Variants in RFX8 observed in about 807,000 individuals in gnomAD.
RFX8 encodes the protein DNA-binding protein RFX8.
In RFX8, 46 loss-of-function variants were observed where a neutral mutation model predicts 54.6. The ratio of observed to expected loss-of-function variants is 0.84; its 90% CI spans 0.67 to 1.08. RFX8 has a LOEUF of 1.08. RFX8 is among the 50% of genes least tolerant of loss of function. The probability of loss-of-function intolerance (pLI) is 0.00; values close to 1 mark genes in which losing one functional copy is unlikely to be tolerated. For synonymous variants in RFX8, 192 were observed against 209.5 expected, an observed-to-expected ratio of 0.92 and a Z score of 0.72; for missense variants, 536 against 562.3, an observed-to-expected ratio of 0.95 and a Z score of 0.47.
At chr2:101,398,152 C>T (rs1685228000) in intron 11 of RFX8, among the ~76,000 whole-genome samples, 1 of 152,204 alleles carries the variant, frequency 6.6e-6, no homozygotes, top group African/African-American at 2.4e-5. Context: ...GCCACAGCAC[C>T]CAGCCCATGC....
chr2:101,430,246 C>A (rs1400680509), intron 2 of RFX8, among the ~76,000 whole-genome samples: 1 of 152,144 alleles, frequency 6.6e-6, no homozygotes, highest in Non-Finnish European at 1.5e-5. Context: ...GGGTGATGGG[C>A]AATGCTAGAG....
intron 9 of RFX8, among the ~76,000 whole-genome samples, chr2:101,407,654 T>C (rs1449213702): frequency 6.6e-6 from 1 of 151,856 alleles, no homozygotes; most frequent in Non-Finnish European, 1.5e-5. Flanking sequence ...ATTGCGCCGC[T>C]GCACTCCAGC....
Position 101,414,922 on chromosome 2 carries a change from A to T in RFX8, c.503-10T>A. ...ACAAATAGAGTAACTTCTGTTAAGA[A>T]CAACACACGTGGCCATTAATACAAT... On this transcript the variant is annotated splice_polypyrimidine_tract_variant and intron_variant, in intron 6 of 11. Transcript: ENST00000428343. 1 of 1,544,706 alleles carries T rather than the reference A, an allele frequency of 6.5e-7. No homozygotes were observed. Among genetic ancestry groups the T allele is most frequent in the South Asian group, 1.2e-5 (1 of 83,930 alleles).
chr2:101,472,317 G>C (rs1049631726), intron 1 of RFX8, among the ~76,000 whole-genome samples: 1 of 152,128 alleles, frequency 6.6e-6, no homozygotes, highest in African/African-American at 2.4e-5. Context: ...AGCCAGGCTG[G>C]TCTCAAACTC....
In RFX8 at chr2:101,413,295, G is replaced by A. The variant is rs532091282; in HGVS notation, c.562-224C>T. 8.5e-5 allele frequency among the ~76,000 whole-genome samples: 13 copies of A among 152,264 alleles called. No individual in the cohort carries two copies. In the South Asian group the frequency reaches 1.7e-3, roughly 19 times the overall value. On this transcript the variant is annotated intron_variant, in intron 7 of 11. Coordinates refer to ENST00000428343, the MANE Select transcript of RFX8 (RefSeq NM_001145664.2). ...AAAGAACGCATCTCTAGGAAGATGCGTTCAGGGCTGTCTGGCACTGCTGCT... is the reference window on the plus strand; with the variant it reads ...AAAGAACGCATCTCTAGGAAGATGCATTCAGGGCTGTCTGGCACTGCTGCT...
intron 4 of RFX8, among the ~76,000 whole-genome samples, chr2:101,419,259 A>T (rs1198897634): frequency 6.6e-6 from 1 of 152,172 alleles, no homozygotes; most frequent in East Asian, 1.9e-4. Flanking sequence ...AGTTGATTAT[A>T]CTAGGATGAG....
chr2:101,470,989 G>T (rs532429142), intron 1 of RFX8, among the ~76,000 whole-genome samples: 27 of 149,682 alleles, frequency 1.8e-4, no homozygotes, highest in African/African-American at 6.1e-4. Context: ...AAAGTGCTGG[G>T]ATTACAGGCG....
chr2:101,402,246 C>G (rs577242927), intron 11 of RFX8, among the ~76,000 whole-genome samples, 190 bp downstream of exon 11: 1 of 152,358 alleles, frequency 6.6e-6, no homozygotes, highest in African/African-American at 2.4e-5. Flanking sequence ...CAATGTCCCA[C>G]AAACCTGAGC....
chr2:101,400,316 A>C (rs1167255183), intron 11 of RFX8, among the ~76,000 whole-genome samples: 1 of 152,178 alleles, frequency 6.6e-6, no homozygotes, highest in Non-Finnish European at 1.5e-5. Flanking sequence ...CTGCTGAGTC[A>C]CTTTAGCGAG....
intron 11 of RFX8, 142 bp from the exon 12 acceptor site, chr2:101,397,866 T>G (rs1289249858): frequency 5.0e-6 from 3 of 596,878 alleles, no homozygotes; most frequent in African/African-American, 1.9e-5. Flanking sequence ...ATTTATTCCT[T>G]TTTTTTTTTG....
chr2:101,450,613 C>T, intron 2 of RFX8: 1 of 1,501,938 alleles, frequency 6.7e-7, no homozygotes, highest in African/African-American at 1.4e-5. Flanking sequence ...CTTTTTTCAC[C>T]TATCAGGTAG....
rs759740518 is a variant in RFX8 at position 101,418,845 on chromosome 2, TC to T, written c.351+5del. On this transcript the variant is annotated splice_donor_5th_base_variant and intron_variant, in intron 5 of 11. Coordinates refer to ENST00000428343, the MANE Select transcript of RFX8 (RefSeq NM_001145664.2). ...ATATACTCTAGAGACTCACGCGTCC[TC>T]CTACCTTGTACAGCTGGACGTCGTA... 6.5e-7 allele frequency: 1 copy of T among 1,530,816 alleles called. No homozygotes were observed. Among genetic ancestry groups the T allele is most frequent in the South Asian group, 1.2e-5 (1 of 83,658 alleles). The allele number at this position is 1,530,816 out of a possible 1,614,324, so 94.8% of individuals were successfully genotyped here.
Position 101,469,062 on chromosome 2 carries a change from A to ATG in RFX8, c.-52-2163_-52-2162insCA, listed in dbSNP as rs1558896504. Among the ~76,000 whole-genome samples, 58 of 21,698 alleles carry ATG rather than the reference A, an allele frequency of 2.7e-3. 5 individuals are homozygous for ATG. Among genetic ancestry groups the ATG allele is most frequent in the African/African-American group, 7.5e-3 (57 of 7,586 alleles). The allele number at this position is 21,698 out of a possible 152,430, so 14.2% of individuals were successfully genotyped here. A position where few individuals can be genotyped will look rare whatever the true frequency, so the allele number is the denominator to read the frequency against. On this transcript the variant is annotated intron_variant, in intron 1 of 11. Transcript: ENST00000428343. ...TATATGTATATATATATACGTATAT[A>ATG]TATGTATATATATATAAGTGTATAT...
intron 9 of RFX8, 103 bp downstream of exon 9, chr2:101,410,516 G>T (rs745979480): frequency 4.6e-6 from 3 of 658,368 alleles, no homozygotes; most frequent in South Asian, 3.9e-5. Flanking sequence ...ACACATTTCC[G>T]ACCAGAGCCT....
chr2:101,456,404 T>C (rs548290458), intron 2 of RFX8, among the ~76,000 whole-genome samples: 43 of 152,344 alleles, frequency 2.8e-4, no homozygotes, highest in Non-Finnish European at 3.7e-4. Context: ...CCTAGTTTAT[T>C]GAGAGTTTTT....
In RFX8 at chr2:101,446,071, C is replaced by T. The variant is rs142746688; in HGVS notation, c.72+20706G>A. On this transcript the variant is annotated intron_variant, in intron 2 of 11. Transcript: ENST00000428343. Reference sequence around the variant, plus strand: ...AAAATACACTTTTGTATGTTCTGAACGTGGCATTGGCAGTGAAGTTATCCT... The same window carrying T: ...AAAATACACTTTTGTATGTTCTGAATGTGGCATTGGCAGTGAAGTTATCCT... Among the ~76,000 whole-genome samples, 34 of 151,770 alleles carry T rather than the reference C, an allele frequency of 2.2e-4. No individual in the cohort carries two copies. The East Asian group carries it at 6.0e-3, about 27-fold the overall frequency.
chr2:101,408,301 C>T (rs1020991958), intron 9 of RFX8, among the ~76,000 whole-genome samples: 17 of 151,958 alleles, frequency 1.1e-4, no homozygotes, highest in Admixed American at 3.9e-4. Flanking sequence ...CTGGCTAACA[C>T]GGTGAAACCC....
chr2:101,410,615 C>T lies in RFX8; in HGVS notation c.813+4G>A, dbSNP rs779036936. ...TTTTTTTTTTTTAAGTCACAGCTTC[C>T]TACCTGGAACACAAATGCTTGGAGA... On this transcript the variant is annotated splice_donor_region_variant and intron_variant, in intron 9 of 11. Transcript: ENST00000428343. 2.0e-6 allele frequency: 3 copies of T among 1,474,956 alleles called. No individual in the cohort carries two copies. Among genetic ancestry groups the T allele is most frequent in the African/African-American group, 1.4e-5 (1 of 70,440 alleles). The allele number at this position is 1,474,956 out of a possible 1,614,324, so 91.4% of individuals were successfully genotyped here. A position where few individuals can be genotyped will look rare whatever the true frequency, so the allele number is the denominator to read the frequency against.
chr2:101,456,518 T>C (rs997275585), intron 2 of RFX8, among the ~76,000 whole-genome samples: 2 of 152,224 alleles, frequency 1.3e-5, no homozygotes, highest in Non-Finnish European at 2.9e-5. Context: ...TTACATTTAT[T>C]GATTTGCGTA....
Sources: allele counts gnomAD v4.1 joint callset (sites outside exome capture counted in the v4.1 genomes callset), GRCh38; gene constraint gnomAD v4.1.1; transcripts MANE v1.5; gene names NCBI Gene and HGNC (gene_info 2026-07-23, HGNC 2026-07-21).